The following SMTNL1 variants were observed in gnomAD, a reference collection of about 807,000 sequenced individuals.
SMTNL1 encodes smoothelin-like protein 1.
SMTNL1 carries 41 observed loss-of-function variants against 46.6 expected under a neutral mutation model. The observed-to-expected ratio is 0.88, with a 90% CI of 0.69 to 1.14. The LOEUF is 1.14. Among genes scored for constraint, SMTNL1 ranks in the 50% most tolerant of loss-of-function variants. The pLI is 0.00. For synonymous variants in SMTNL1, 234 were observed against 234.2 expected (o/e 1.00, Z 0.01); for missense variants, 591 against 626.1 (o/e 0.94, Z 0.60).
Position 57,542,958 on chromosome 11 carries a change from G to C in SMTNL1, c.316G>C (p.Val106Leu). 2.5e-6 allele frequency: 4 copies of C among 1,602,734 alleles called. No individual in the cohort carries two copies. The highest frequency in any genetic ancestry group is 3.4e-6 in the Non-Finnish European group (4 of 1,174,596). Residue 106 changes from valine (V) to leucine (L), a missense_variant, in exon 2 of 8, where the codon GTG (valine) becomes CTG (leucine). Physicochemically the swap from Val to Leu is conservative, Grantham distance 32 (BLOSUM62 1). Coordinates refer to ENST00000527972, the MANE Select transcript of SMTNL1 (RefSeq NM_001105565.3). ...GGATGGTGAGAAGGAAGAGACCACT[G>C]TGGGTTCTCAGGAGATGACTGGCAG... is the stretch of plus-strand genomic sequence containing the variant. ...KEDGEKEETT[V>L]GSQEMTGRKE...
At chr11:57,539,415 T>C (rs938541190) in intron 1 of SMTNL1, among the ~76,000 whole-genome samples, 5 of 152,124 alleles carry the variant, frequency 3.3e-5, no homozygotes, top group African/African-American at 9.7e-5. Context: ...GTGTCATACT[T>C]TGAGGTATAA....
intron 7 of SMTNL1, among the ~76,000 whole-genome samples, chr11:57,548,155 G>C (rs1944934817): frequency 6.6e-6 from 1 of 152,202 alleles, no homozygotes; most frequent in South Asian, 2.1e-4. Flanking sequence ...ACACTGATTA[G>C]CTCAGATTGT....
Position 57,550,146 on chromosome 11 carries a change from G to C in SMTNL1, c.*34G>C. 6.3e-7 allele frequency: 1 copy of C among 1,592,070 alleles called. No homozygotes were observed. The highest frequency in any genetic ancestry group is 1.3e-5 in the African/African-American group (1 of 74,714). On this transcript the variant is annotated 3_prime_UTR_variant, in exon 8 of 8. Transcript: ENST00000527972. ...CTGGCTCTGTGGGCAGAGATGGGCA[G>C]GGTGCCCAGCTCAGCAGCCACGGCC...
At chr11:57,539,795 G>A (rs1944858598) in intron 1 of SMTNL1, among the ~76,000 whole-genome samples, 2 of 152,150 alleles carry the variant, frequency 1.3e-5, no homozygotes, top group Non-Finnish European at 1.5e-5. Context: ...TTCTAAGCAT[G>A]GGCTTTCTTA....
chr11:57,543,898 G>A lies in SMTNL1; in HGVS notation c.895G>A (p.Gly299Arg), dbSNP rs372459556. ...GCTGGGTCCAGACTGTGTAGCTTCC[G>A]GACAGACCAGTCCTTCAGCCAGGTA... Reference protein sequence around the residue: ...DGLGPDCVASGQTSPSASESS... With the variant: ...DGLGPDCVASRQTSPSASESS... The change falls in exon 4 of 8, where the codon GGA (glycine) becomes AGA (arginine). Residue 299 changes from glycine to arginine, a missense_variant. Gly to Arg is a moderately radical substitution (Grantham distance 125). Coordinates refer to ENST00000527972, the MANE Select transcript of SMTNL1 (RefSeq NM_001105565.3). The A allele has an allele frequency of 3.4e-5, 54 of 1,589,574 alleles. No homozygotes were observed. Among genetic ancestry groups the A allele is most frequent in the East Asian group, 2.7e-4 (12 of 43,778 alleles).
At chr11:57,541,557 A>G (rs1219810320) in intron 1 of SMTNL1, 2 of 1,367,040 alleles carry the variant, frequency 1.5e-6, no homozygotes, top group Middle Eastern at 2.1e-4. Context: ...GGCCAGGGAG[A>G]GTACGGCTCC....
intron 1 of SMTNL1, among the ~76,000 whole-genome samples, chr11:57,542,115 C>A (rs11229054): frequency 0.02 from 1,765 of 88,012 alleles, 18 homozygotes; most frequent in African/African-American, 0.041. Context: ...AAAAAAAAAA[C>A]ACACACACAC....
At chr11:57,539,930 G>A (rs1404281232) in intron 1 of SMTNL1, among the ~76,000 whole-genome samples, 2 of 152,186 alleles carry the variant, frequency 1.3e-5, no homozygotes, top group Non-Finnish European at 2.9e-5. Flanking sequence ...TCCCATCACA[G>A]GAAGACACCA....
In SMTNL1 at chr11:57,546,084, G is replaced by A. The variant is rs1272041366; in HGVS notation, c.1073+48G>A. On this transcript the variant is annotated intron_variant, in intron 5 of 7. Coordinates refer to ENST00000527972, the MANE Select transcript of SMTNL1 (RefSeq NM_001105565.3). The stretch of plus-strand genomic sequence containing the variant: ...GGCTGGGCTTTCCCATAGGAACCCT[G>A]GGTTGGTGGGAGGGTGGCCTCAGGG... 5 of 1,535,684 alleles carry A rather than the reference G, an allele frequency of 3.3e-6. No homozygotes were observed. The African/African-American group carries it at 6.9e-5, about 21-fold the overall frequency.
intron 1 of SMTNL1, among the ~76,000 whole-genome samples, chr11:57,542,134 ACACAC>A (rs2135262022): frequency 6.7e-6 from 1 of 150,374 alleles, no homozygotes; most frequent in African/African-American, 2.4e-5. Context: ...ACACACACAC[ACACAC>A]ACACAAAAAT....
chr11:57,542,920 A>G lies in SMTNL1; in HGVS notation c.278A>G (p.Glu93Gly). 3 of 1,606,824 alleles carry G rather than the reference A, an allele frequency of 1.9e-6. No individual in the cohort carries two copies. The South Asian group carries it at 3.3e-5, about 18-fold the overall frequency. Residue 93 changes from glutamate to glycine, a missense_variant, in exon 2 of 8, where the codon GAA (glutamate) becomes GGA (glycine). By Grantham distance (98) the Glu-to-Gly change is moderately conservative. Transcript: ENST00000527972. Reference protein sequence around the residue: ...EAGGKEDAEAELKKEDGEKEE... With the variant: ...EAGGKEDAEAGLKKEDGEKEE... ...GGTGGGAAAGAGGATGCTGAGGCTG[A>G]ACTTAAAAAGGAGGATGGTGAGAAG...
chr11:57,545,186 G>C lies in SMTNL1; in HGVS notation c.918-695G>C, dbSNP rs946754103. Among the ~76,000 whole-genome samples the C allele has an allele frequency of 9.9e-5, 15 of 152,224 alleles. No homozygotes were observed. In the South Asian group the frequency reaches 1.5e-3, roughly 15 times the overall value. ...ATAACCAGTGAATAGTCACCCAGCA[G>C]GCACAGCTGGATGCTTTACATTCAC... On this transcript the variant is annotated intron_variant, in intron 4 of 7. Coordinates refer to ENST00000527972, the MANE Select transcript of SMTNL1 (RefSeq NM_001105565.3).
At chr11:57,546,179 C>T in intron 5 of SMTNL1, 54 bp from the exon 6 acceptor site, 3 of 1,522,974 alleles carry the variant, frequency 2.0e-6, no homozygotes, top group Non-Finnish European at 2.7e-6. Context: ...CCAGTGGGGC[C>T]CTTCATGGCC....
intron 7 of SMTNL1, among the ~76,000 whole-genome samples, chr11:57,549,385 AT>A (rs1208121835): frequency 6.6e-6 from 1 of 152,110 alleles, no homozygotes; most frequent in Non-Finnish European, 1.5e-5. Context: ...CAGAGGACAG[AT>A]ACATACGCAT....
intron 1 of SMTNL1, among the ~76,000 whole-genome samples, chr11:57,540,496 C>G (rs890154588): frequency 4.6e-5 from 7 of 152,164 alleles, no homozygotes; most frequent in Non-Finnish European, 8.8e-5. Flanking sequence ...AAAACCCTAT[C>G]CATGTCACGG....
intron 1 of SMTNL1, among the ~76,000 whole-genome samples, chr11:57,540,669 C>G (rs750667163): frequency 1.1e-4 from 16 of 152,000 alleles, no homozygotes; most frequent in South Asian, 2.1e-4. Context: ...TCACACCTCC[C>G]GGCATCTCTG....
chr11:57,541,071 G>T (rs1402377556), intron 1 of SMTNL1, among the ~76,000 whole-genome samples: 1 of 152,186 alleles, frequency 6.6e-6, no homozygotes, highest in Non-Finnish European at 1.5e-5. Flanking sequence ...GCTCTAGCAG[G>T]AATCAGAGGA....
At chr11:57,542,128 A>G (rs1040403425) in intron 1 of SMTNL1, among the ~76,000 whole-genome samples, 18 of 149,702 alleles carry the variant, frequency 1.2e-4, no homozygotes, top group Non-Finnish European at 2.7e-4. Context: ...ACACACACAC[A>G]CACACACACA....
chr11:57,546,725 G>A lies in SMTNL1; in HGVS notation c.1340+73G>A, dbSNP rs1052974118. 15 of 1,535,544 alleles carry A rather than the reference G, an allele frequency of 9.8e-6. No homozygotes were observed. The Admixed American group carries it at 1.9e-4, about 20-fold the overall frequency. ...GGACTGGATTCACAGGGGTTGAGTA[G>A]TGAGGCAGTTACACCGATGCTGGTG... On this transcript the variant is annotated intron_variant, in intron 7 of 7. Transcript: ENST00000527972.
Sources: gnomAD v4.1 joint callset for allele counts (sites outside exome capture counted in the v4.1 genomes callset) on GRCh38, gnomAD v4.1.1 for gene constraint, MANE v1.5 for transcripts, NCBI Gene and HGNC (gene_info 2026-07-23, HGNC 2026-07-21) for gene names.